BCKDHB: variants seen among roughly 807,000 people sequenced by gnomAD.
BCKDHB encodes the protein branched chain keto acid dehydrogenase E1 subunit beta.
A neutral mutation model predicts 48.5 loss-of-function variants in BCKDHB; 41 were observed. The observed-to-expected ratio is 0.85, with a 90% CI of 0.66 to 1.10. The LOEUF is 1.10. Among genes scored for constraint, BCKDHB ranks in the 50% least tolerant of loss-of-function variants. The pLI is 0.00. For missense variants in BCKDHB, 496 were observed against 494.2 expected (o/e 1.00, Z -0.03); for synonymous variants, 201 against 174.8 (o/e 1.15, Z -1.18).
At chr6:80,315,562 T>C (rs811567) in intron 9 of BCKDHB, among the ~76,000 whole-genome samples, 139,340 of 152,036 alleles carry the variant, frequency 0.92, 63,943 homozygotes, top group East Asian at 0.99. Context: ...CGCACTACAG[T>C]TGCTTCTGTT....
At chr6:80,268,598 G>C (rs1777608823) in intron 8 of BCKDHB, among the ~76,000 whole-genome samples, 1 of 152,010 alleles carries the variant, frequency 6.6e-6, no homozygotes, top group African/African-American at 2.4e-5. Context: ...TCTTGCTATA[G>C]ATTTTGAGGA....
chr6:80,209,336 A>G (rs1287516807), intron 8 of BCKDHB, among the ~76,000 whole-genome samples: 1 of 152,006 alleles, frequency 6.6e-6, no homozygotes, highest in Non-Finnish European at 1.5e-5. Flanking sequence ...TTAAAGGCCC[A>G]TAAACTGAAG....
intron 8 of BCKDHB, among the ~76,000 whole-genome samples, chr6:80,244,450 A>C (rs1026849166): frequency 1.3e-5 from 2 of 152,372 alleles, no homozygotes; most frequent in Admixed American, 6.5e-5. Flanking sequence ...AGGAGCTCCA[A>C]CTTAATTATA....
At chr6:80,175,599 C>A (rs1773115508) in intron 6 of BCKDHB, among the ~76,000 whole-genome samples, 1 of 152,122 alleles carries the variant, frequency 6.6e-6, no homozygotes, top group Admixed American at 6.5e-5. Context: ...CATTGCAGTG[C>A]CCTTTAAACG....
chr6:80,416,579 T>C, the BCKDHB span, among the ~76,000 whole-genome samples: 119 of 152,108 alleles, frequency 7.8e-4, no homozygotes, highest in African/African-American at 2.9e-3. Flanking sequence ...TTCCATGTCA[T>C]TGTATGGTTT....
the BCKDHB span, among the ~76,000 whole-genome samples, chr6:80,398,293 G>T: frequency 6.6e-6 from 1 of 151,526 alleles, no homozygotes; most frequent in Non-Finnish European, 1.5e-5. Context: ...ATCCTAGATT[G>T]GTTTATTAAA....
chr6:80,412,797 T>C, the BCKDHB span, among the ~76,000 whole-genome samples: 1 of 152,204 alleles, frequency 6.6e-6, no homozygotes, highest in Non-Finnish European at 1.5e-5. Flanking sequence ...ATATAGTTAT[T>C]TGGGTTGGCA....
chr6:80,387,379 T>A, the BCKDHB span, among the ~76,000 whole-genome samples: 1 of 44,966 alleles, frequency 2.2e-5, no homozygotes, highest in East Asian at 4.4e-3. Flanking sequence ...AAAATAGTAA[T>A]CAAAAACAAT....
At chr6:80,224,589 T>C (rs1478830802) in intron 8 of BCKDHB, among the ~76,000 whole-genome samples, 1 of 152,172 alleles carries the variant, frequency 6.6e-6, no homozygotes, top group Non-Finnish European at 1.5e-5. Flanking sequence ...AGAGACGGGC[T>C]TTCGCCATGT....
chr6:80,182,150 A>T (rs913924897), intron 6 of BCKDHB, among the ~76,000 whole-genome samples: 17 of 152,216 alleles, frequency 1.1e-4, no homozygotes, highest in Non-Finnish European at 2.1e-4. Flanking sequence ...CTACAGTTCC[A>T]GATATCTAAA....
At chr6:80,448,128 G>C in the BCKDHB span, among the ~76,000 whole-genome samples, 3 of 152,042 alleles carry the variant, frequency 2.0e-5, no homozygotes, top group African/African-American at 7.2e-5. Context: ...ATGACTGAGT[G>C]GTACAGACAC....
the BCKDHB span, among the ~76,000 whole-genome samples, chr6:80,357,077 T>C: frequency 5.3e-5 from 8 of 151,980 alleles, no homozygotes; most frequent in Middle Eastern, 3.2e-3. Flanking sequence ...GTTTATTATT[T>C]AGGGTCATAG....
the BCKDHB span, among the ~76,000 whole-genome samples, chr6:80,426,816 A>G: frequency 6.6e-6 from 1 of 152,156 alleles, no homozygotes; most frequent in Non-Finnish European, 1.5e-5. Context: ...AGAGTATACT[A>G]TAAATATCTG....
intron 9 of BCKDHB, among the ~76,000 whole-genome samples, chr6:80,280,088 T>A (rs1778135192): frequency 6.6e-6 from 1 of 152,184 alleles, no homozygotes; most frequent in South Asian, 2.1e-4. Flanking sequence ...GGCTGTAGCG[T>A]AAGGTAAGCG....
At chr6:80,399,122 A>G in the BCKDHB span, among the ~76,000 whole-genome samples, 2 of 152,298 alleles carry the variant, frequency 1.3e-5, no homozygotes, top group African/African-American at 2.4e-5. Flanking sequence ...AATAAGGGCC[A>G]TCTATGAAAA....
At chr6:80,335,420 A>C (rs75722055) in intron 9 of BCKDHB, among the ~76,000 whole-genome samples, 2,976 of 152,118 alleles carry the variant, frequency 0.02, 45 homozygotes, top group Non-Finnish European at 0.03. Context: ...CATTCTAAGG[A>C]AATTCCACTT....
Position 80,254,239 on chromosome 6 carries a change from TG to T in BCKDHB, c.952-18895del, listed in dbSNP as rs202166484. Among the ~76,000 whole-genome samples, 602 of 152,060 alleles carry T rather than the reference TG, an allele frequency of 4.0e-3. 3 individuals are homozygous for T. The highest frequency in any genetic ancestry group is 0.014 in the African/African-American group (566 of 41,544). Reference sequence around the variant, plus strand: ...TATTTACTTTATTTCTATTTTATCCTGATTGTATCTCTTAAGGTACATATTC... The same window carrying T: ...TATTTACTTTATTTCTATTTTATCCTATTGTATCTCTTAAGGTACATATTC... On this transcript the variant is annotated intron_variant, in intron 8 of 9. Transcript: ENST00000320393.
At chr6:80,336,240 A>G (rs1023677238) in intron 9 of BCKDHB, among the ~76,000 whole-genome samples, 13 of 151,906 alleles carry the variant, frequency 8.6e-5, no homozygotes, top group Admixed American at 8.5e-4. Flanking sequence ...ATATTAATGT[A>G]TGATTTTATT....
intron 8 of BCKDHB, among the ~76,000 whole-genome samples, chr6:80,267,365 A>G (rs1777556197): frequency 6.6e-6 from 1 of 152,072 alleles, no homozygotes; most frequent in Admixed American, 6.6e-5. Context: ...CTGAAATTCT[A>G]CTGGGAAATG....
Sources: allele counts gnomAD v4.1 joint callset (sites outside exome capture counted in the v4.1 genomes callset), GRCh38; gene constraint gnomAD v4.1.1; transcripts MANE v1.5; gene names NCBI Gene and HGNC (gene_info 2026-07-23, HGNC 2026-07-21).